HDAC9: variants seen among roughly 807,000 people sequenced by gnomAD.
HDAC9 encodes MEF-2 interacting transcription repressor (MITR) protein.
HDAC9 carries 41 observed loss-of-function variants against 139.4 expected under a neutral mutation model. The ratio of observed to expected loss-of-function variants is 0.29; its 90% CI spans 0.23 to 0.38. The LOEUF (loss-of-function observed/expected upper bound fraction) is 0.38, where lower values mean the gene tolerates loss of function less well. HDAC9 is among the 10% of genes least tolerant of loss of function. The probability of loss-of-function intolerance (pLI) is 1.00; values close to 1 mark genes in which losing one functional copy is unlikely to be tolerated. For synonymous variants in HDAC9, 517 were observed against 476.2 expected (o/e 1.09, Z -1.12); for missense variants, 1,147 against 1,297.0 (o/e 0.88, Z 1.78).
chr7:18,454,946 G>A (rs1032049981), intron 1 of HDAC9, among the ~76,000 whole-genome samples: 1 of 152,040 alleles, frequency 6.6e-6, no homozygotes, highest in African/African-American at 2.4e-5. Context: ...AATGGAGGAG[G>A]ATGGCGTCAG....
chr7:18,915,598 T>G (rs1347946635), intron 22 of HDAC9, among the ~76,000 whole-genome samples: 1 of 151,694 alleles, frequency 6.6e-6, no homozygotes, highest in Non-Finnish European at 1.5e-5. Context: ...AGAAGTTTTG[T>G]TTTATGATTA....
At chr7:18,126,724 A>T (rs184779649) in intron 1 of HDAC9, among the ~76,000 whole-genome samples, 1 of 152,280 alleles carries the variant, frequency 6.6e-6, no homozygotes, top group East Asian at 1.9e-4. Flanking sequence ...TTCTGTGGAA[A>T]CTACCAATTT....
intron 25 of HDAC9, among the ~76,000 whole-genome samples, chr7:18,988,948 TA>T (rs1785621801): frequency 8.7e-6 from 1 of 114,334 alleles, no homozygotes; most frequent in African/African-American, 3.3e-5. Flanking sequence ...ATTTTGAGCC[TA>T]TGTGTGTCTC....
intron 1 of HDAC9, among the ~76,000 whole-genome samples, chr7:18,125,072 A>C (rs1784572190): frequency 6.6e-6 from 1 of 151,890 alleles, no homozygotes; most frequent in Admixed American, 6.6e-5. Context: ...TTATCTTCTT[A>C]TATTTTTGAT....
intron 24 of HDAC9, among the ~76,000 whole-genome samples, chr7:18,972,004 C>T (rs1784269961): frequency 6.6e-6 from 1 of 152,200 alleles, no homozygotes; most frequent in Admixed American, 6.5e-5. Flanking sequence ...TGGCCTAGAC[C>T]TCTCCTGTTG....
At chr7:18,361,974 G>A (rs550203193) in intron 1 of HDAC9, among the ~76,000 whole-genome samples, 96 of 152,256 alleles carry the variant, frequency 6.3e-4, no homozygotes, top group African/African-American at 2.1e-3. Context: ...CTTGGTTCAA[G>A]GACAAGTGCT....
At chr7:18,597,779 A>G (rs1832882129) in intron 6 of HDAC9, among the ~76,000 whole-genome samples, 2 of 152,180 alleles carry the variant, frequency 1.3e-5, no homozygotes. Context: ...ATACTTCTGA[A>G]CAAAGTGAGT....
intron 12 of HDAC9, among the ~76,000 whole-genome samples, chr7:18,680,897 T>C (rs1039693017): frequency 6.6e-6 from 1 of 152,004 alleles, no homozygotes. Context: ...ATCTTTGCAT[T>C]TTTACCATTT....
intron 1 of HDAC9, among the ~76,000 whole-genome samples, chr7:18,089,163 A>C (rs1169518245): frequency 6.6e-6 from 1 of 152,136 alleles, no homozygotes; most frequent in African/African-American, 2.4e-5. Context: ...TGCAGAAGGA[A>C]GTTAAGGAGT....
intron 6 of HDAC9, among the ~76,000 whole-genome samples, chr7:18,617,302 C>T (rs534010569): frequency 1.1e-4 from 17 of 152,226 alleles, no homozygotes; most frequent in African/African-American, 3.6e-4. Context: ...GCTCCTCCAT[C>T]GCAAGCATGA....
intron 2 of HDAC9, among the ~76,000 whole-genome samples, chr7:18,261,916 G>C (rs914821022): frequency 6.6e-6 from 1 of 152,184 alleles, no homozygotes; most frequent in African/African-American, 2.4e-5. Flanking sequence ...TTAACATAGT[G>C]ATTTGCTGCT....
intron 1 of HDAC9, among the ~76,000 whole-genome samples, chr7:18,129,042 G>A (rs1784847226): frequency 6.6e-6 from 1 of 152,072 alleles, no homozygotes; most frequent in Admixed American, 6.6e-5. Context: ...CATAACATAA[G>A]CCCCTAATCC....
At chr7:18,857,361 GTGTATGTA>G (rs1554380829) in intron 21 of HDAC9, among the ~76,000 whole-genome samples, 1 of 151,578 alleles carries the variant, frequency 6.6e-6, no homozygotes, top group African/African-American at 2.4e-5. Flanking sequence ...GTGTGTGTGT[GTGTATGTA>G]TGTATGTACT....
At chr7:18,440,442 C>T (rs1265400281) in intron 1 of HDAC9, among the ~76,000 whole-genome samples, 1 of 152,130 alleles carries the variant, frequency 6.6e-6, no homozygotes, top group South Asian at 2.1e-4. Flanking sequence ...ACCTCGGCCT[C>T]CCAAAGTGCT....
At chr7:18,869,172 G>A (rs143131784) in intron 21 of HDAC9, among the ~76,000 whole-genome samples, 1 of 151,524 alleles carries the variant, frequency 6.6e-6, no homozygotes, top group Non-Finnish European at 1.5e-5. Flanking sequence ...GTGTGTGTGT[G>A]TGTGTGTGTG....
At chr7:18,556,105 GT>G (rs1157730296) in intron 2 of HDAC9, among the ~76,000 whole-genome samples, 1 of 151,930 alleles carries the variant, frequency 6.6e-6, no homozygotes, top group African/African-American at 2.4e-5. Flanking sequence ...TGCTTCAAAA[GT>G]TTCAGGTTAT....
intron 17 of HDAC9, among the ~76,000 whole-genome samples, chr7:18,801,700 A>C (rs1158152561): frequency 6.6e-6 from 1 of 152,098 alleles, no homozygotes; most frequent in Non-Finnish European, 1.5e-5. Context: ...CTAAAGTCAC[A>C]GAGCCTTGTT....
At chr7:18,833,847 A>G (rs1410594785) in intron 19 of HDAC9, among the ~76,000 whole-genome samples, 1 of 152,206 alleles carries the variant, frequency 6.6e-6, no homozygotes, top group Non-Finnish European at 1.5e-5. Flanking sequence ...TCACCAAAAG[A>G]AGGCTATGAT....
At chr7:18,504,088 A>G (rs1226591783) in intron 2 of HDAC9, among the ~76,000 whole-genome samples, 1 of 152,206 alleles carries the variant, frequency 6.6e-6, no homozygotes, top group African/African-American at 2.4e-5. Context: ...TGTAGGGTGA[A>G]TAAGAAAAAG....
Sources: gnomAD v4.1 joint callset for allele counts (sites outside exome capture counted in the v4.1 genomes callset) on GRCh38, gnomAD v4.1.1 for gene constraint, MANE v1.5 for transcripts, NCBI Gene and HGNC (gene_info 2026-07-23, HGNC 2026-07-21) for gene names.